Variants in TTN observed in about 807,000 individuals in gnomAD.
TTN encodes the protein connectin.
A neutral mutation model predicts 3,223.0 loss-of-function variants in TTN; 1,525 were observed. The ratio of observed to expected loss-of-function variants is 0.47; its 90% CI spans 0.45 to 0.49. The LOEUF (loss-of-function observed/expected upper bound fraction) is 0.49, where lower values mean the gene tolerates loss of function less well. TTN is among the 20% of genes least tolerant of loss of function. The pLI is 0.00. For synonymous variants in TTN, 14,094 were observed against 15,161.0 expected, an observed-to-expected ratio of 0.93 and a Z score of 5.17; for missense variants, 40,786 against 43,424.0, an observed-to-expected ratio of 0.94 and a Z score of 5.40.
At position 178,534,992 on chromosome 2, in the gene TTN, T is replaced by C. The variant is rs1343609511; in HGVS notation, c.101623A>G (p.Ile33875Val). ...TCAAATGATTCATGGAGGTGTAAGA[T>C]GTTTCTATGCCTAGCAATATTCAGA... Reference protein sequence around the residue: ...SILNIARHRNILHLHESFESM... With the variant: ...SILNIARHRNVLHLHESFESM... The change falls in exon 358 of 363, where the codon ATC becomes GTC. Residue 33875 changes from isoleucine to valine, a missense_variant. Coordinates refer to ENST00000589042, the MANE Select transcript of TTN (RefSeq NM_001267550.2). 1.9e-6 allele frequency: 3 copies of C among 1,613,792 alleles called. No individual in the cohort carries two copies. The highest frequency in any genetic ancestry group is 2.5e-6 in the Non-Finnish European group (3 of 1,179,840).
chr2:178,557,602 T>A, intron 328 of TTN, 46 bp downstream of exon 328: 4 of 1,612,514 alleles, frequency 2.5e-6, no homozygotes, highest in Non-Finnish European at 3.4e-6. Context: ...AATAACACAT[T>A]TATGGTAAAA....
chr2:178,777,895 G>T lies in TTN; in HGVS notation c.4289C>A (p.Ala1430Glu), dbSNP rs577298130. The T allele has an allele frequency of 1.2e-4, 194 of 1,613,792 alleles. No individual in the cohort carries two copies. The South Asian group carries it at 2.0e-3, about 17-fold the overall frequency. Residue 1430 changes from alanine (A) to glutamate (E), a missense_variant, in exon 25 of 363, where the codon GCA becomes GAA. By Grantham distance (107) the Ala-to-Glu change is moderately radical. Transcript: ENST00000589042. ...ARMSPARMSP[A>E]RMSPARMSPG... ...GGACATTCTTGCAGGGGACATCCGT[G>T]CAGGAGACATCCTTGCAGGTGACAT...
At chr2:178,555,264 C>CACACA in intron 330 of TTN, 112 bp from the exon 331 acceptor site, 1 of 962,978 alleles carries the variant, frequency 1.0e-6, no homozygotes, top group Non-Finnish European at 1.5e-6. Context: ...TACACACACA[C>CACACA]CATCATTATA....
In TTN at chr2:178,789,383, G is replaced by A. The variant is rs1177144006; in HGVS notation, c.2053C>T (p.Gln685Ter). ...ACCTTTCCATGGGTAACTTGGATTTGTTCTTGTCTAGTAGCCATAGTTTCT... is the reference window on the plus strand; with the variant it reads ...ACCTTTCCATGGGTAACTTGGATTTATTCTTGTCTAGTAGCCATAGTTTCT... Reference protein sequence around the residue: ...TRETMATRQEQIQVTHGKVDV... With the variant: ...TRETMATRQE Residue 685 changes from glutamine (Q) to a stop codon, truncating the protein, a stop_gained, in exon 13 of 363, where the codon CAA (glutamine) becomes TAA (stop). Coordinates refer to ENST00000589042, the MANE Select transcript of TTN (RefSeq NM_001267550.2). LOFTEE classifies it high-confidence loss of function. 1 of 1,613,354 alleles carries A rather than the reference G, an allele frequency of 6.2e-7. No individual in the cohort carries two copies. Among genetic ancestry groups the A allele is most frequent in the Non-Finnish European group, 8.5e-7 (1 of 1,179,444 alleles).
Position 178,694,655 on chromosome 2 carries a change from A to G in TTN, c.31370T>C (p.Ile10457Thr), listed in dbSNP as rs878884667. Reference protein sequence around the residue: ...VTKVPEVSKKIVPQKPSRTPV... With the variant: ...VTKVPEVSKKTVPQKPSRTPV... Reference sequence around the variant, plus strand: ...AGTCCGGGAAGGTTTTTGTGGAACAATCTTCTTTGAAACTTCAGGTACTTT... The same window carrying G: ...AGTCCGGGAAGGTTTTTGTGGAACAGTCTTCTTTGAAACTTCAGGTACTTT... Residue 10457 changes from isoleucine to threonine, a missense_variant, in exon 117 of 363, where the codon ATT (isoleucine) becomes ACT (threonine). Ile to Thr is a moderately conservative substitution (Grantham distance 89, BLOSUM62 -1). Coordinates refer to ENST00000589042, the MANE Select transcript of TTN (RefSeq NM_001267550.2). 1 of 1,555,714 alleles carries G rather than the reference A, an allele frequency of 6.4e-7. No homozygotes were observed. Among genetic ancestry groups the G allele is most frequent in the African/African-American group, 1.4e-5 (1 of 73,338 alleles).
intron 146 of TTN, 100 bp from the exon 147 acceptor site, chr2:178,677,387 A>G (rs2068337229): frequency 1.8e-6 from 1 of 548,850 alleles, no homozygotes; most frequent in East Asian, 4.2e-5. Context: ...GGATAAGACC[A>G]CAAACATGTA....
chr2:178,710,958 A>C (rs1208754526), intron 97 of TTN, 36 bp from the exon 98 acceptor site: 1 of 1,591,696 alleles, frequency 6.3e-7, no homozygotes, highest in Non-Finnish European at 8.6e-7. Context: ...TTTCAGGCTC[A>C]ATATCTGGAC....
Position 178,573,747 on chromosome 2 carries a change from G to A in TTN, c.72385C>T (p.Pro24129Ser). 6.3e-7 allele frequency: 1 copy of A among 1,579,398 alleles called. No individual in the cohort carries two copies. Among genetic ancestry groups the A allele is most frequent in the South Asian group, 1.2e-5 (1 of 84,200 alleles). The change falls in exon 326 of 363, where the codon CCT (proline) becomes TCT (serine). Residue 24129 changes from proline (P) to serine (S), a missense_variant. By Grantham distance (74) the Pro-to-Ser change is moderately conservative (BLOSUM62 -1). Transcript: ENST00000589042. ...VLDRPGPPEGPLAVTEVTSEK... is the reference protein window; with the variant it reads ...VLDRPGPPEGSLAVTEVTSEK... ...GATGTCACTTCAGTTACAGCCAAAG[G>A]TCCTTCAGGTGGGCCTGGTCTGTCA...
At chr2:178,630,668 A>G in intron 238 of TTN, 136 bp downstream of exon 238, 1 of 1,308,158 alleles carries the variant, frequency 7.6e-7, no homozygotes, top group Non-Finnish European at 1.1e-6. Context: ...AGACCCTGAC[A>G]TCTCTCTTTG....
At chr2:178,724,950 T>C (rs1055853198) in intron 71 of TTN, 1 of 192,682 alleles carries the variant, frequency 5.2e-6, no homozygotes, top group Non-Finnish European at 1.0e-5. Flanking sequence ...CTTAAGGTGC[T>C]AAAGACAATT....
In TTN at chr2:178,719,370, C is replaced by G. The variant is rs765789516; in HGVS notation, c.24020G>C (p.Arg8007Pro). 6.2e-7 allele frequency: 1 copy of G among 1,613,624 alleles called. No homozygotes were observed. The highest frequency in any genetic ancestry group is 1.3e-5 in the African/African-American group (1 of 74,886). ...TGAAATCGGGGCTGAGCCAGAGACT[C>G]GGCACTCCAAAACAACTGAGGCCCC... ...ILGASVVLEC[R>P]VSGSAPISVG... The change falls in exon 83 of 363, where the codon CGA (arginine) becomes CCA (proline). Residue 8007 changes from arginine to proline, a missense_variant. Transcript: ENST00000589042.
intron 2 of TTN, among the ~76,000 whole-genome samples, chr2:178,804,281 T>G (rs1287530132): frequency 6.6e-6 from 1 of 152,188 alleles, no homozygotes; most frequent in African/African-American, 2.4e-5. Context: ...CCTATTTAGT[T>G]GCTGGATTCT....
rs1410477544 is a variant in TTN, at chr2:178,598,036, C to A, written c.57134G>T (p.Gly19045Val). The A allele has an allele frequency of 1.2e-6, 2 of 1,612,770 alleles. No individual in the cohort carries two copies. Among genetic ancestry groups the A allele is most frequent in the Admixed American group, 3.3e-5 (2 of 59,940 alleles). The stretch of plus-strand genomic sequence containing the variant: ...TAATCCTGTCACAACAAGCTTTGTT[C>A]CTCTCACTTCTTTATCTTTACCCTG... ...WEKGKDKEVR[G>V]TKLVVTGLKE... The change falls in exon 293 of 363, where the codon GGA (glycine) becomes GTA (valine). Residue 19045 changes from glycine (G) to valine (V), a missense_variant. By Grantham distance (109) the Gly-to-Val change is moderately radical. Coordinates refer to ENST00000589042, the MANE Select transcript of TTN (RefSeq NM_001267550.2).
rs115813214 is a variant in TTN at position 178,618,670 on chromosome 2, G to A, written c.46880C>T (p.Ala15627Val). ...ATACCTCCCTTTGTCTCCTTTCTTG[G>A]CTTCTAAAATTCTGAAAGAAGTTTG... ...AEQTSFRILEAKKGDKGRYKI... is the reference protein window; with the variant it reads ...AEQTSFRILEVKKGDKGRYKI... The change falls in exon 251 of 363, where the codon GCC becomes GTC. Residue 15627 changes from alanine (A) to valine (V), a missense_variant. Transcript: ENST00000589042. 428 of 1,612,028 alleles carry A rather than the reference G, an allele frequency of 2.7e-4. 1 individual carries two copies. The African/African-American group carries it at 5.1e-3, about 19-fold the overall frequency.
rs778016048 is a variant in TTN, at chr2:178,537,469, T to G, written c.99738A>C (p.Glu33246Asp). Residue 33246 changes from glutamate to aspartate, a missense_variant, in exon 355 of 363, where the codon GAA becomes GAC. By Grantham distance (45) the Glu-to-Asp change is conservative. Transcript: ENST00000589042. ...CAAGATGAGTATAGTGCTCAGTGTT[T>G]TCAATAGTAATGTTTTCTGAGTTTT... ...LLQNSENITI[E>D]NTEHYTHLVM... 1 of 1,613,594 alleles carries G rather than the reference T, an allele frequency of 6.2e-7. No individual in the cohort carries two copies. Among genetic ancestry groups the G allele is most frequent in the Admixed American group, 1.7e-5 (1 of 59,964 alleles).
rs72647842 is a variant in TTN, at chr2:178,802,277, G to T, written c.156C>A (p.Pro52=). The part of the protein sequence containing the change: ...DGQVISTSTL[P]GVQISFSDGR... ...CATCGCTAAAGGAGATCTGCACGCC[G>T]GGCAGAGTGGAAGTGGAAATCACCT... is the stretch of plus-strand genomic sequence containing the variant. The change falls in exon 3 of 363, where the codon CCC becomes CCA. Residue 52 remains proline, a synonymous_variant. Transcript: ENST00000589042. 1.9e-6 allele frequency: 3 copies of T among 1,614,120 alleles called. No homozygotes were observed. Among genetic ancestry groups the T allele is most frequent in the Non-Finnish European group, 2.5e-6 (3 of 1,180,014 alleles).
Position 178,580,045 on chromosome 2 carries a change from T to A in TTN, c.67242A>T (p.Arg22414Ser), listed in dbSNP as rs761987832. 4.3e-6 allele frequency: 7 copies of A among 1,613,252 alleles called. No individual in the cohort carries two copies. Among genetic ancestry groups the A allele is most frequent in the African/African-American group, 1.3e-5 (1 of 74,878 alleles). The change falls in exon 318 of 363, where the codon AGA (arginine) becomes AGT (serine). Residue 22414 changes from arginine to serine, a missense_variant. Coordinates refer to ENST00000589042, the MANE Select transcript of TTN (RefSeq NM_001267550.2). ...ATTTTCCCTCCTCCAAATTAGCTAC[T>A]CTGAAGCTTGTTTTGGAGCACTCAG... ...VTTECSKTSF[R>S]VANLEEGKSY... is the part of the protein sequence containing the mutation.
Position 178,653,274 on chromosome 2 carries a change from C to A in TTN, c.38755G>T (p.Ala12919Ser), listed in dbSNP as rs781453248. The A allele has an allele frequency of 4.3e-6, 7 of 1,610,456 alleles. No homozygotes were observed. The highest frequency in any genetic ancestry group is 5.9e-6 in the Non-Finnish European group (7 of 1,178,996). The change falls in exon 198 of 363, where the codon GCT becomes TCT. Residue 12919 changes from alanine (A) to serine (S), a missense_variant. Transcript: ENST00000589042. Reference sequence around the variant, plus strand: ...GGGACTTCAGGCTTTTTAGGAGGAGCCAAGGGCACTTTCTTTTCAAGGACA... The same window carrying A: ...GGGACTTCAGGCTTTTTAGGAGGAGACAAGGGCACTTTCTTTTCAAGGACA... ...EVVLEKKVPL[A>S]PPKKPEVPPV...
intron 152 of TTN, among the ~76,000 whole-genome samples, chr2:178,673,278 A>G (rs1208330902): frequency 6.6e-6 from 1 of 151,856 alleles, no homozygotes; most frequent in Non-Finnish European, 1.5e-5. Context: ...AATAATAAAT[A>G]TAGTAAAATA....
Sources: allele counts gnomAD v4.1 joint callset (sites outside exome capture counted in the v4.1 genomes callset), GRCh38; gene constraint gnomAD v4.1.1; transcripts MANE v1.5; gene names NCBI Gene and HGNC (gene_info 2026-07-23, HGNC 2026-07-21).